The following POU3F1 variants were observed in gnomAD, a reference collection of about 807,000 sequenced individuals.
POU3F1 encodes POU domain, class 3, transcription factor 1.
A neutral mutation model predicts 7.6 loss-of-function variants in POU3F1; 1 was observed. The ratio of observed to expected loss-of-function variants is 0.13; its 90% CI spans 0.05 to 0.62. POU3F1 has a LOEUF of 0.62. Among genes scored for constraint, POU3F1 ranks in the 20% least tolerant of loss-of-function variants. The probability of loss-of-function intolerance (pLI) is 0.87; values close to 1 mark genes in which losing one functional copy is unlikely to be tolerated. For missense variants in POU3F1, 505 were observed against 679.3 expected (o/e 0.74, Z 2.85); for synonymous variants, 354 against 339.0 (o/e 1.04, Z -0.49).
rs1291000847 is a variant in POU3F1 at position 38,045,446 on chromosome 1, G to A, written c.1298C>T (p.Pro433Leu). ...GTGGTGGTGCAGCGCCGCCGGCGGG[G>A]GCGGTGGGGGCGCGGAGGGTGGCGA... ...GASPPSAPPPPPPAALHHHHH... is the reference protein window; with the variant it reads ...GASPPSAPPPLPPAALHHHHH... Residue 433 changes from proline (P) to leucine (L), a missense_variant, in exon 1 of 1, where the codon CCC (proline) becomes CTC (leucine). This residue lies in a region of POU3F1 where 72 missense variants were observed against 93.7 expected (regional missense o/e 0.77). Transcript: ENST00000373012. The surrounding 1 kb of genome is among the most constrained non-coding windows in gnomAD (Gnocchi z 9.4). 7 of 1,442,916 alleles carry A rather than the reference G, an allele frequency of 4.9e-6. No homozygotes were observed. Among genetic ancestry groups the A allele is most frequent in the Admixed American group, 2.8e-5 (1 of 35,424 alleles). The allele number at this position is 1,442,916 out of a possible 1,614,324, so 89.4% of individuals were successfully genotyped here.
In POU3F1 at chr1:38,046,770, C is replaced by CCGCCGCCGCTCCGCTCCGT; in HGVS notation, c.-46_-28dup. ...CCGCCCCGCGCCCTGCGCCGCGCCG[C>CCGCCGCCGCTCCGCTCCGT]CGCCGCCGCTCCGCTCCGTCTGCGG... On this transcript the variant is annotated 5_prime_UTR_variant, in exon 1 of 1. Coordinates refer to ENST00000373012, the MANE Select transcript of POU3F1 (RefSeq NM_002699.4). This position sits in a 1 kb window ranked among gnomAD's most constrained non-coding sequence, Gnocchi z 9.5. 11 of 985,968 alleles carry CCGCCGCCGCTCCGCTCCGT rather than the reference C, an allele frequency of 1.1e-5. No individual in the cohort carries two copies. Among genetic ancestry groups the CCGCCGCCGCTCCGCTCCGT allele is most frequent in the Non-Finnish European group, 1.3e-5 (11 of 831,722 alleles). The allele number at this position is 985,968 out of a possible 1,614,324, so 61.1% of individuals were successfully genotyped here.
chr1:38,046,576 C>A lies in POU3F1; in HGVS notation c.168G>T (p.Glu56Asp). 1 of 1,381,748 alleles carries A rather than the reference C, an allele frequency of 7.2e-7. No individual in the cohort carries two copies. Among genetic ancestry groups the A allele is most frequent in the Non-Finnish European group, 9.4e-7 (1 of 1,062,850 alleles). The allele number at this position is 1,381,748 out of a possible 1,614,324, so 85.6% of individuals were successfully genotyped here. A position where few individuals can be genotyped will look rare whatever the true frequency, so the allele number is the denominator to read the frequency against. ...YREVQKLMHH[E>D]WLGAGAGHPV... Reference sequence around the variant, plus strand: ...GGTGGCCCGCGCCCGCGCCCAGCCACTCGTGGTGCATCAGCTTCTGCACTT... The same window carrying A: ...GGTGGCCCGCGCCCGCGCCCAGCCAATCGTGGTGCATCAGCTTCTGCACTT... The change falls in exon 1 of 1, where the codon GAG becomes GAT. Residue 56 changes from glutamate to aspartate, a missense_variant. Glu to Asp is a conservative substitution (Grantham distance 45, BLOSUM62 2). Transcript: ENST00000373012. The surrounding 1 kb of genome is among the most constrained non-coding windows in gnomAD (Gnocchi z 9.5).
In POU3F1 at chr1:38,045,314, A is replaced by T; in HGVS notation, c.*74T>A. On this transcript the variant is annotated 3_prime_UTR_variant, in exon 1 of 1. Transcript: ENST00000373012. The surrounding 1 kb of genome is among the most constrained non-coding windows in gnomAD (Gnocchi z 9.4). The stretch of plus-strand genomic sequence containing the variant: ...TGTAAAATCCAAAGCAACCGAACAA[A>T]AAGAGTCCAGGCCGCGCGGGCGGGC... The T allele has an allele frequency of 1.9e-6, 1 of 518,924 alleles. No homozygotes were observed. The highest frequency in any genetic ancestry group is 2.6e-6 in the Non-Finnish European group (1 of 388,752). The allele number at this position is 518,924 out of a possible 1,614,324, so 32.1% of individuals were successfully genotyped here. A position where few individuals can be genotyped will look rare whatever the true frequency, so the allele number is the denominator to read the frequency against.
rs1162178001 is a variant in POU3F1, at chr1:38,045,411, T to TGTG, written c.1330_1332dup (p.His444dup). On this transcript the variant is annotated inframe_insertion, in exon 1 of 1. Coordinates refer to ENST00000373012, the MANE Select transcript of POU3F1 (RefSeq NM_002699.4). This position sits in a 1 kb window ranked among gnomAD's most constrained non-coding sequence, Gnocchi z 9.4. ...GGTCACTGCACTGAGCCGGGCAGTG[T>TGTG]GTGGTGGTGGTGGTGGTGCAGCGCC... The TGTG allele has an allele frequency of 4.4e-5, 63 of 1,419,180 alleles. No individual in the cohort carries two copies. Among genetic ancestry groups the TGTG allele is most frequent in the Admixed American group, 3.9e-4 (13 of 33,176 alleles). The allele number at this position is 1,419,180 out of a possible 1,614,324, so 87.9% of individuals were successfully genotyped here.
At position 38,044,921 on chromosome 1, in the gene POU3F1, GC is replaced by G. The variant is rs970739736; in HGVS notation, c.*466del. On this transcript the variant is annotated 3_prime_UTR_variant, in exon 1 of 1. Transcript: ENST00000373012. ...GAGGCGTGTAGCGAATAAAGTGACAGCCCCCCACCCTGGACCCGCAGGCTCA... is the reference window on the plus strand; with the variant it reads ...GAGGCGTGTAGCGAATAAAGTGACAGCCCCCACCCTGGACCCGCAGGCTCA... 6.6e-6 allele frequency: 1 copy of G among 152,212 alleles called. No individual in the cohort carries two copies. Among genetic ancestry groups the G allele is most frequent in the African/African-American group, 2.4e-5 (1 of 41,446 alleles). The allele number at this position is 152,212 out of a possible 1,614,324, so 9.4% of individuals were successfully genotyped here.
rs1367664995 is a variant in POU3F1, at chr1:38,046,337, T to G, written c.407A>C (p.His136Pro). 1 of 1,218,524 alleles carries G rather than the reference T, an allele frequency of 8.2e-7. No individual in the cohort carries two copies. The highest frequency in any genetic ancestry group is 1.0e-6 in the Non-Finnish European group (1 of 978,410). The allele number at this position is 1,218,524 out of a possible 1,614,324, so 75.5% of individuals were successfully genotyped here. The part of the protein sequence containing the change: ...AAWAQGSTAH[H>P]LGPAMSPSPG... ...CGAGGGCGACATGGCCGGGCCCAAG[T>G]GGTGCGCTGTGCTGCCCTGCGCCCA... The change falls in exon 1 of 1, where the codon CAC becomes CCC. Residue 136 changes from histidine to proline, a missense_variant. His to Pro is a moderately conservative substitution (Grantham distance 77). Coordinates refer to ENST00000373012, the MANE Select transcript of POU3F1 (RefSeq NM_002699.4). This position sits in a 1 kb window ranked among gnomAD's most constrained non-coding sequence, Gnocchi z 9.5.
rs1169574946 is a variant in POU3F1, at chr1:38,045,232, A to C, written c.*156T>G. The C allele has an allele frequency of 9.5e-6, 2 of 211,604 alleles. No homozygotes were observed. Among genetic ancestry groups the C allele is most frequent in the Non-Finnish European group, 1.7e-5 (2 of 119,850 alleles). The allele number at this position is 211,604 out of a possible 1,614,324, so 13.1% of individuals were successfully genotyped here. A position where few individuals can be genotyped will look rare whatever the true frequency, so the allele number is the denominator to read the frequency against. On this transcript the variant is annotated 3_prime_UTR_variant, in exon 1 of 1. Coordinates refer to ENST00000373012, the MANE Select transcript of POU3F1 (RefSeq NM_002699.4). The surrounding 1 kb of genome is among the most constrained non-coding windows in gnomAD (Gnocchi z 9.4). ...CCGGGCTGTCTTCGCCGCTCACCGG[A>C]GAGGGTCGTCCGGGTGTTTGGTTTT... is the stretch of plus-strand genomic sequence containing the variant.
At position 38,046,755 on chromosome 1, in the gene POU3F1, C is replaced by T. The variant is rs1255807476; in HGVS notation, c.-12G>A. 6.1e-6 allele frequency: 6 copies of T among 989,436 alleles called. No homozygotes were observed. The African/African-American group carries it at 1.1e-4, about 18-fold the overall frequency. 61.3% of individuals were successfully genotyped at this position (989,436 alleles called of 1,614,324 possible). On this transcript the variant is annotated 5_prime_UTR_variant, in exon 1 of 1. Transcript: ENST00000373012. The surrounding 1 kb of genome is among the most constrained non-coding windows in gnomAD (Gnocchi z 9.5). ...GCGGTGGTGGCCATGCCGCCCCGCG[C>T]CCTGCGCCGCGCCGCCGCCGCCGCT... is the stretch of plus-strand genomic sequence containing the variant.
Position 38,046,563 on chromosome 1 carries a change from C to T in POU3F1, c.181G>A (p.Gly61Ser). 7.3e-7 allele frequency: 1 copy of T among 1,375,328 alleles called. No individual in the cohort carries two copies. The highest frequency in any genetic ancestry group is 9.4e-7 in the Non-Finnish European group (1 of 1,060,576). The allele number at this position is 1,375,328 out of a possible 1,614,324, so 85.2% of individuals were successfully genotyped here. ...GCTAGGCCCACGGGGTGGCCCGCGC[C>T]CGCGCCCAGCCACTCGTGGTGCATC... is the stretch of plus-strand genomic sequence containing the variant. ...KLMHHEWLGA[G>S]AGHPVGLAHP... Residue 61 changes from glycine (G) to serine (S), a missense_variant, in exon 1 of 1, where the codon GGC becomes AGC. This residue lies in a region of POU3F1 where 361 missense variants were observed against 382.1 expected (regional missense o/e 0.94). Coordinates refer to ENST00000373012, the MANE Select transcript of POU3F1 (RefSeq NM_002699.4). The surrounding 1 kb of genome is among the most constrained non-coding windows in gnomAD (Gnocchi z 9.5).
At position 38,045,348 on chromosome 1, in the gene POU3F1, C is replaced by G. The variant is rs1210399427; in HGVS notation, c.*40G>C. 4 of 989,296 alleles carry G rather than the reference C, an allele frequency of 4.0e-6. No homozygotes were observed. The highest frequency in any genetic ancestry group is 3.8e-6 in the Non-Finnish European group (3 of 796,180). 61.3% of individuals were successfully genotyped at this position (989,296 alleles called of 1,614,324 possible). A position where few individuals can be genotyped will look rare whatever the true frequency, so the allele number is the denominator to read the frequency against. On this transcript the variant is annotated 3_prime_UTR_variant, in exon 1 of 1. Coordinates refer to ENST00000373012, the MANE Select transcript of POU3F1 (RefSeq NM_002699.4). This position sits in a 1 kb window ranked among gnomAD's most constrained non-coding sequence, Gnocchi z 9.4. ...AGGCCGCGCGGGCGGGCTGCGCGCC[C>G]GCGCCCTGCAGCGCGCCGGCGGGGG...
rs1646862523 is a variant in POU3F1 at position 38,046,453 on chromosome 1, G to A, written c.291C>T (p.Gly97=). 3.8e-6 allele frequency: 5 copies of A among 1,328,684 alleles called. No individual in the cohort carries two copies. Among genetic ancestry groups the A allele is most frequent in the South Asian group, 3.6e-5 (2 of 55,576 alleles). 82.3% of individuals were successfully genotyped at this position (1,328,684 alleles called of 1,614,324 possible). ...GPHLEHGKAG[G]GGTGRADDGG... is the part of the protein sequence containing the mutation. ...CGTCGTCGGCTCGGCCGGTGCCGCC[G>A]CCGCCTGCCTTGCCGTGTTCTAGGT... Residue 97 remains glycine (G), a synonymous_variant, in exon 1 of 1, where the codon GGC becomes GGT. Transcript: ENST00000373012. This position sits in a 1 kb window ranked among gnomAD's most constrained non-coding sequence, Gnocchi z 9.5.
chr1:38,045,375 C>A lies in POU3F1; in HGVS notation c.*13G>T, dbSNP rs1409422004. On this transcript the variant is annotated 3_prime_UTR_variant, in exon 1 of 1. Transcript: ENST00000373012. The surrounding 1 kb of genome is among the most constrained non-coding windows in gnomAD (Gnocchi z 9.4). ...CGCCCTGCAGCGCGCCGGCGGGGGC[C>A]CGGCCCGCGGGGTCACTGCACTGAG... 1.7e-6 allele frequency: 2 copies of A among 1,187,138 alleles called. No homozygotes were observed. The highest frequency in any genetic ancestry group is 3.2e-5 in the African/African-American group (2 of 62,472). The allele number at this position is 1,187,138 out of a possible 1,614,324, so 73.5% of individuals were successfully genotyped here.
At position 38,046,575 on chromosome 1, in the gene POU3F1, A is replaced by C; in HGVS notation, c.169T>G (p.Trp57Gly). 1.5e-6 allele frequency: 2 copies of C among 1,369,696 alleles called. No individual in the cohort carries two copies. The allele number at this position is 1,369,696 out of a possible 1,614,324, so 84.8% of individuals were successfully genotyped here. The change falls in exon 1 of 1, where the codon TGG (tryptophan) becomes GGG (glycine). Residue 57 changes from tryptophan to glycine, a missense_variant. Trp to Gly is a radical substitution (Grantham distance 184, BLOSUM62 -2). Transcript: ENST00000373012. The surrounding 1 kb of genome is among the most constrained non-coding windows in gnomAD (Gnocchi z 9.5). Reference protein sequence around the residue: ...REVQKLMHHEWLGAGAGHPVG... With the variant: ...REVQKLMHHEGLGAGAGHPVG... ...GGGTGGCCCGCGCCCGCGCCCAGCCACTCGTGGTGCATCAGCTTCTGCACT... is the reference window on the plus strand; with the variant it reads ...GGGTGGCCCGCGCCCGCGCCCAGCCCCTCGTGGTGCATCAGCTTCTGCACT...
In POU3F1 at chr1:38,046,343, G is replaced by A; in HGVS notation, c.401C>T (p.Ala134Val). Reference sequence around the variant, plus strand: ...CGACATGGCCGGGCCCAAGTGGTGCGCTGTGCTGCCCTGCGCCCATGCCGC... The same window carrying A: ...CGACATGGCCGGGCCCAAGTGGTGCACTGTGCTGCCCTGCGCCCATGCCGC... Reference protein sequence around the residue: ...AGAAWAQGSTAHHLGPAMSPS... With the variant: ...AGAAWAQGSTVHHLGPAMSPS... The change falls in exon 1 of 1, where the codon GCG becomes GTG. Residue 134 changes from alanine to valine, a missense_variant. Coordinates refer to ENST00000373012, the MANE Select transcript of POU3F1 (RefSeq NM_002699.4). The surrounding 1 kb of genome is among the most constrained non-coding windows in gnomAD (Gnocchi z 9.5). 1 of 1,221,060 alleles carries A rather than the reference G, an allele frequency of 8.2e-7. No individual in the cohort carries two copies. 75.6% of individuals were successfully genotyped at this position (1,221,060 alleles called of 1,614,324 possible). A position where few individuals can be genotyped will look rare whatever the true frequency, so the allele number is the denominator to read the frequency against.
rs1350249039 is a variant in POU3F1, at chr1:38,044,912, A to G, written c.*476T>C. ...AGGAGAGAAGAGGCGTGTAGCGAAT[A>G]AAGTGACAGCCCCCCACCCTGGACC... On this transcript the variant is annotated 3_prime_UTR_variant, in exon 1 of 1. Transcript: ENST00000373012. The G allele has an allele frequency of 6.6e-6, 1 of 152,176 alleles. No individual in the cohort carries two copies. The highest frequency in any genetic ancestry group is 2.4e-5 in the African/African-American group (1 of 41,428). The allele number at this position is 152,176 out of a possible 1,614,324, so 9.4% of individuals were successfully genotyped here.
Position 38,046,307 on chromosome 1 carries a change from C to T in POU3F1, c.437G>A (p.Gly146Glu). 1 of 1,188,704 alleles carries T rather than the reference C, an allele frequency of 8.4e-7. No individual in the cohort carries two copies. The highest frequency in any genetic ancestry group is 3.0e-5 in the South Asian group (1 of 33,466). 73.6% of individuals were successfully genotyped at this position (1,188,704 alleles called of 1,614,324 possible). A position where few individuals can be genotyped will look rare whatever the true frequency, so the allele number is the denominator to read the frequency against. Residue 146 changes from glycine (G) to glutamate (E), a missense_variant, in exon 1 of 1, where the codon GGG becomes GAG. By Grantham distance (98) the Gly-to-Glu change is moderately conservative (BLOSUM62 -2). Transcript: ENST00000373012. This position sits in a 1 kb window ranked among gnomAD's most constrained non-coding sequence, Gnocchi z 9.5. ...CTGGGGCTGGTGGCCCCCGCTGGCC[C>T]CGGGCGAGGGCGACATGGCCGGGCC... is the stretch of plus-strand genomic sequence containing the variant. ...HLGPAMSPSP[G>E]ASGGHQPQPL...
Position 38,046,096 on chromosome 1 carries a change from T to A in POU3F1, c.648A>T (p.Gly216=). 2.2e-6 allele frequency: 3 copies of A among 1,384,932 alleles called. No homozygotes were observed. The highest frequency in any genetic ancestry group is 2.8e-6 in the Non-Finnish European group (3 of 1,072,310). The allele number at this position is 1,384,932 out of a possible 1,614,324, so 85.8% of individuals were successfully genotyped here. A position where few individuals can be genotyped will look rare whatever the true frequency, so the allele number is the denominator to read the frequency against. The stretch of plus-strand genomic sequence containing the variant: ...CGTGCAGGCCGCCCGCGTGTGCATG[T>A]CCGTGTGCGTGTCCGTGGGCGCCCA... ...PHLGAHGHAH[G]HAHAGGLHAA... Residue 216 remains glycine, a synonymous_variant, in exon 1 of 1, where the codon GGA becomes GGT. Coordinates refer to ENST00000373012, the MANE Select transcript of POU3F1 (RefSeq NM_002699.4). This position sits in a 1 kb window ranked among gnomAD's most constrained non-coding sequence, Gnocchi z 9.5.
chr1:38,045,489 G>C lies in POU3F1; in HGVS notation c.1255C>G (p.Pro419Ala), dbSNP rs1372210740. Reference sequence around the variant, plus strand: ...GGTGGCGATGCGCCGCCCCCGCCAGGCCCTAGCTCCCCAGGCGCGTATACA... The same window carrying C: ...GGTGGCGATGCGCCGCCCCCGCCAGCCCCTAGCTCCCCAGGCGCGTATACA... ...DDVYAPGELG[P>A]GGGGASPPSA... The change falls in exon 1 of 1, where the codon CCT (proline) becomes GCT (alanine). Residue 419 changes from proline (P) to alanine (A), a missense_variant. Physicochemically the swap from Pro to Ala is conservative, Grantham distance 27. Transcript: ENST00000373012. This position sits in a 1 kb window ranked among gnomAD's most constrained non-coding sequence, Gnocchi z 9.4. 1 of 1,524,858 alleles carries C rather than the reference G, an allele frequency of 6.6e-7. No homozygotes were observed. Among genetic ancestry groups the C allele is most frequent in the Non-Finnish European group, 8.8e-7 (1 of 1,139,452 alleles). The allele number at this position is 1,524,858 out of a possible 1,614,324, so 94.5% of individuals were successfully genotyped here.
In POU3F1 at chr1:38,044,092, C is replaced by A. The variant is rs756821781; in HGVS notation, c.*1296G>T. 6.6e-6 allele frequency among the ~76,000 whole-genome samples: 1 copy of A among 152,186 alleles called. No individual in the cohort carries two copies. The highest frequency in any genetic ancestry group is 1.5e-5 in the Non-Finnish European group (1 of 68,038). ...AAATTCGGAAATCATATTAAAATAT[C>A]TTTTTCGGATTAGTCAGTGTACAAA... On this transcript the variant is annotated 3_prime_UTR_variant, in exon 1 of 1. Transcript: ENST00000373012.
Sources: allele counts gnomAD v4.1 joint callset (sites outside exome capture counted in the v4.1 genomes callset), GRCh38; gene constraint gnomAD v4.1.1; regional missense constraint gnomAD v4.1.1; non-coding constraint Gnocchi (gnomAD v3.1); transcripts MANE v1.5; gene names NCBI Gene and HGNC (gene_info 2026-07-23, HGNC 2026-07-21).